Variants in MAGEA4 observed in about 807,000 individuals in gnomAD.
MAGEA4 encodes melanoma-associated antigen 4.
Under a neutral mutation model 13.7 loss-of-function variants are expected in MAGEA4, and 1 was observed. The ratio of observed to expected loss-of-function variants is 0.07; its 90% CI spans 0.03 to 0.35. The LOEUF (loss-of-function observed/expected upper bound fraction) is 0.35, where lower values mean the gene tolerates loss of function less well. Among genes scored for constraint, MAGEA4 ranks in the 10% least tolerant of loss-of-function variants. MAGEA4 has a pLI of 0.99. For missense variants in MAGEA4, 312 were observed against 245.1 expected (o/e 1.27, Z -1.82); for synonymous variants, 132 against 101.1 (o/e 1.31, Z -1.83).
Position 151,923,479 on chromosome X carries a change from G to T in MAGEA4, c.-111G>T. 1 of 1,197,370 alleles carries T rather than the reference G, an allele frequency of 8.4e-7. No individual in the cohort carries two copies. On this transcript the variant is annotated 5_prime_UTR_variant, in exon 2 of 3. Transcript: ENST00000276344. Reference sequence around the variant, plus strand: ...TTCTGAGCAGACAGGCCAACCGGAGGACAGGATTCCCTGGAGGCCACAGAG... The same window carrying T: ...TTCTGAGCAGACAGGCCAACCGGAGTACAGGATTCCCTGGAGGCCACAGAG...
At chrX:151,919,660 T>C (rs1159945677) in intron 1 of MAGEA4, 2 of 751,189 alleles carry the variant, frequency 2.7e-6, no homozygotes, top group Non-Finnish European at 1.6e-6. Context: ...AGCGAGCTGC[T>C]CTGTCTGACC....
chrX:151,924,267 C>T lies in MAGEA4; in HGVS notation c.603C>T (p.Gly201=). ...LGNNQIFPKT[G]LLIIVLGTIA... ...ATAATCAGATCTTTCCCAAGACAGG[C>T]CTTCTGATAATCGTCCTGGGCACAA... Residue 201 remains glycine (G), a synonymous_variant, in exon 3 of 3, where the codon GGC becomes GGT. Transcript: ENST00000276344. 2 of 1,210,256 alleles carry T rather than the reference C, an allele frequency of 1.7e-6. No homozygotes were observed. Among genetic ancestry groups the T allele is most frequent in the South Asian group, 1.8e-5 (1 of 56,527 alleles).
At chrX:151,922,255 G>A (rs757700857) in intron 1 of MAGEA4, among the ~76,000 whole-genome samples, 9 of 111,647 alleles carry the variant, frequency 8.1e-5, no homozygotes, top group Admixed American at 1.9e-4. Context: ...GCTCAGGGGG[G>A]ACCAGAGGAG....
intron 1 of MAGEA4, chrX:151,913,616 G>T: frequency 2.3e-5 from 17 of 749,323 alleles, no homozygotes; most frequent in Non-Finnish European, 2.7e-5. Context: ...GACTCAGGAG[G>T]CCCCCACCCC....
rs1473656050 is a variant in MAGEA4 at position 151,923,915 on chromosome X, C to T, written c.251C>T (p.Pro84Leu). 1.7e-6 allele frequency: 2 copies of T among 1,211,612 alleles called. No individual in the cohort carries two copies. The highest frequency in any genetic ancestry group is 3.0e-5 in the East Asian group (1 of 33,814). ...ATCAGCTTCACTTGCTGGAGGCAAC[C>T]CAATGAGGGTTCCAGCAGCCAAGAA... ...TTISFTCWRQ[P>L]NEGSSSQEEE... The change falls in exon 3 of 3, where the codon CCC becomes CTC. Residue 84 changes from proline to leucine, a missense_variant. Transcript: ENST00000276344.
rs1291186689 is a variant in MAGEA4, at chrX:151,923,970, A to C, written c.306A>C (p.Ala102=). ...EEEGPSTSPD[A]ESLFREALSN... ...AGGGGCCAAGCACCTCGCCTGACGC[A>C]GAGTCCTTGTTCCGAGAAGCACTCA... Residue 102 remains alanine, a synonymous_variant, in exon 3 of 3, where the codon GCA becomes GCC. Coordinates refer to ENST00000276344, the MANE Select transcript of MAGEA4 (RefSeq NM_001011548.1). The C allele has an allele frequency of 4.1e-6, 5 of 1,210,486 alleles. No individual in the cohort carries two copies. In the African/African-American group the frequency reaches 8.7e-5, roughly 21 times the overall value.
chrX:151,923,590 C>G lies in MAGEA4; in HGVS notation c.-65-10C>G, dbSNP rs952862253. 8.3e-7 allele frequency: 1 copy of G among 1,210,862 alleles called. No homozygotes were observed. Among genetic ancestry groups the G allele is most frequent in the African/African-American group, 1.7e-5 (1 of 57,863 alleles). ...AGCTGAGGTCTCTCACATGCTCCCT[C>G]TCTCCGTAGGCCTGTGGGTCCCCAT... On this transcript the variant is annotated splice_polypyrimidine_tract_variant and intron_variant, in intron 2 of 2. Transcript: ENST00000276344.
At chrX:151,912,597 G>A, upstream of MAGEA4, 1 of 320,152 alleles carries the variant, frequency 3.1e-6, no homozygotes, top group Non-Finnish European at 6.1e-6. Context: ...AGAGCTGAGG[G>A]TTCCCCACCC....
Position 151,924,197 on chromosome X carries a change from C to T in MAGEA4, c.533C>T (p.Thr178Ile), listed in dbSNP as rs61743726. ...KEVDPASNTY[T>I]LVTCLGLSYD... is the part of the protein sequence containing the mutation. ...GTGGACCCCGCCAGCAACACCTACACCCTTGTCACCTGCCTGGGCCTTTCC... is the reference window on the plus strand; with the variant it reads ...GTGGACCCCGCCAGCAACACCTACATCCTTGTCACCTGCCTGGGCCTTTCC... The change falls in exon 3 of 3, where the codon ACC becomes ATC. Residue 178 changes from threonine to isoleucine, a missense_variant. Thr to Ile is a moderately conservative substitution (Grantham distance 89). Transcript: ENST00000276344. 1.6e-3 allele frequency: 1,970 copies of T among 1,210,182 alleles called. 16 individuals carry two copies. The African/African-American group carries it at 0.028, about 17-fold the overall frequency.
At chrX:151,922,352 A>C (rs1915226284) in intron 1 of MAGEA4, among the ~76,000 whole-genome samples, 1 of 111,082 alleles carries the variant, frequency 9.0e-6, no homozygotes, top group South Asian at 3.9e-4. Flanking sequence ...GTAAAGGGGC[A>C]ATGTTTGCTC....
intron 1 of MAGEA4, among the ~76,000 whole-genome samples, chrX:151,921,569 TTGAGAGGGAAC>T (rs1280134805): frequency 1.8e-5 from 2 of 111,482 alleles, no homozygotes; most frequent in African/African-American, 6.5e-5. Context: ...GGTCAGGACC[TTGAGAGGGAAC>T]TGAGGGCGCT....
At position 151,924,744 on chromosome X, in the gene MAGEA4, TAGTC is replaced by T. The variant is rs765798798; in HGVS notation, c.*130_*133del. On this transcript the variant is annotated 3_prime_UTR_variant, in exon 3 of 3. Coordinates refer to ENST00000276344, the MANE Select transcript of MAGEA4 (RefSeq NM_001011548.1). ...CATTCTTCACTCTGTTTGAAGAAAATAGTCAGTGTTCTTAGTAGTGGGTTTCTAT... is the reference window on the plus strand; with the variant it reads ...CATTCTTCACTCTGTTTGAAGAAAATAGTGTTCTTAGTAGTGGGTTTCTAT... 40 of 701,964 alleles carry T rather than the reference TAGTC, an allele frequency of 5.7e-5. No homozygotes were observed. The African/African-American group carries it at 6.7e-4, about 12-fold the overall frequency. 57.8% of individuals were successfully genotyped at this position (701,964 alleles called of 1,213,427 possible).
chrX:151,923,523 C>A lies in MAGEA4; in HGVS notation c.-67C>A. The A allele has an allele frequency of 8.3e-7, 1 of 1,207,474 alleles. No homozygotes were observed. Among genetic ancestry groups the A allele is most frequent in the Non-Finnish European group, 1.1e-6 (1 of 894,041 alleles). The stretch of plus-strand genomic sequence containing the variant: ...CACAGAGGAGCACCAAGGAGAAGAT[C>A]TGTAAGTAAGCCTTTGTTAGAGCCT... On this transcript the variant is annotated splice_region_variant and 5_prime_UTR_variant, in exon 2 of 3. The change creates a new upstream start codon in the 5' untranslated region. Transcript: ENST00000276344.
chrX:151,919,395 C>T (rs778683498), intron 1 of MAGEA4, among the ~76,000 whole-genome samples: 2 of 97,814 alleles, frequency 2.0e-5, no homozygotes, highest in South Asian at 5.3e-4. Context: ...TCCTCAACCC[C>T]GCACCTCTCT....
rs765504023 is a variant in MAGEA4, at chrX:151,924,120, C to A, written c.456C>A (p.Phe152Leu). 3 of 1,210,658 alleles carry A rather than the reference C, an allele frequency of 2.5e-6. No individual in the cohort carries two copies. The South Asian group carries it at 5.3e-5, about 21-fold the overall frequency. The change falls in exon 3 of 3, where the codon TTC becomes TTA. Residue 152 changes from phenylalanine to leucine, a missense_variant. By Grantham distance (22) the Phe-to-Leu change is conservative. Transcript: ENST00000276344. ...ACAAGCGCTGCTTTCCTGTGATCTT[C>A]GGCAAAGCCTCCGAGTCCCTGAAGA... ...KNYKRCFPVI[F>L]GKASESLKMI...
intron 1 of MAGEA4, among the ~76,000 whole-genome samples, chrX:151,921,240 C>G (rs1019779432): frequency 7.1e-5 from 8 of 112,492 alleles, no homozygotes; most frequent in African/African-American, 2.6e-4. Context: ...AAACCCCAGG[C>G]TTGGTGCTGG....
At position 151,923,721 on chromosome X, in the gene MAGEA4, A is replaced by G. The variant is rs1235003451; in HGVS notation, c.57A>G (p.Gln19=). The change falls in exon 3 of 3, where the codon CAA becomes CAG. Residue 19 remains glutamine (Q), a synonymous_variant. Transcript: ENST00000276344. The part of the protein sequence containing the change: ...HCKPEEGVEA[Q]EEALGLVGAQ... ...AGCCTGAGGAAGGCGTTGAGGCCCA[A>G]GAAGAGGCCCTGGGCCTGGTGGGTG... The G allele has an allele frequency of 9.1e-6, 11 of 1,211,122 alleles. No individual in the cohort carries two copies. The highest frequency in any genetic ancestry group is 1.2e-5 in the Non-Finnish European group (11 of 895,312).
chrX:151,912,715 T>A, upstream of MAGEA4: 1 of 149,386 alleles, frequency 6.7e-6, no homozygotes, highest in South Asian at 6.3e-5. Flanking sequence ...GCCACCCTCA[T>A]ACCCCCATCC....
At chrX:151,920,066 C>T (rs1340421216) in intron 1 of MAGEA4, among the ~76,000 whole-genome samples, 1 of 97,127 alleles carries the variant, frequency 1.0e-5, no homozygotes. Context: ...CCTCCCCAAA[C>T]CCCCACTACC....
Sources: gnomAD v4.1 joint callset for allele counts (sites outside exome capture counted in the v4.1 genomes callset) on GRCh38, gnomAD v4.1.1 for gene constraint, MANE v1.5 for transcripts, NCBI Gene and HGNC (gene_info 2026-07-23, HGNC 2026-07-21) for gene names.